Variants in PTPRT observed in about 807,000 individuals in gnomAD.
The protein encoded by PTPRT is protein tyrosine phosphatase receptor type T, also known as receptor-type tyrosine-protein phosphatase T.
PTPRT carries 56 observed loss-of-function variants against 176.8 expected under a neutral mutation model. The ratio of observed to expected loss-of-function variants is 0.32; its 90% CI spans 0.26 to 0.40. The LOEUF (loss-of-function observed/expected upper bound fraction) is 0.40, where lower values mean the gene tolerates loss of function less well. PTPRT is among the 10% of genes least tolerant of loss of function. PTPRT has a pLI of 1.00. For synonymous variants in PTPRT, 783 were observed against 739.0 expected (o/e 1.06, Z -0.96); for missense variants, 1,540 against 1,908.2 (o/e 0.81, Z 3.60).
intron 7 of PTPRT, among the ~76,000 whole-genome samples, chr20:42,558,302 C>T (rs552996398): frequency 6.6e-6 from 1 of 152,150 alleles, no homozygotes; most frequent in South Asian, 2.1e-4. Context: ...CATCCACGTC[C>T]CTGAAAAAGA....
In PTPRT at chr20:42,229,475, A is replaced by AT. The variant is rs146528614; in HGVS notation, c.2342+6753dup. Among the ~76,000 whole-genome samples the AT allele has an allele frequency of 3.4e-3, 521 of 152,332 alleles. 4 individuals carry two copies. Among genetic ancestry groups the AT allele is most frequent in the African/African-American group, 0.012 (499 of 41,566 alleles). Reference sequence around the variant, plus strand: ...CATTTTTATTCAAAGTGGCTGATAAATTACATTAAATAACTTTTGAGTATC... The same window carrying AT: ...CATTTTTATTCAAAGTGGCTGATAAATTTACATTAAATAACTTTTGAGTATC... On this transcript the variant is annotated intron_variant, in intron 15 of 30. Coordinates refer to ENST00000373187, the MANE Select transcript of PTPRT (RefSeq NM_007050.6).
chr20:42,204,190 T>G (rs2055393190), intron 15 of PTPRT, among the ~76,000 whole-genome samples: 1 of 152,184 alleles, frequency 6.6e-6, no homozygotes, highest in Admixed American at 6.5e-5. Flanking sequence ...GGGCGGTAAC[T>G]TAGCATTTCC....
chr20:42,619,803 A>C (rs1467460414), intron 7 of PTPRT, among the ~76,000 whole-genome samples: 3 of 128,348 alleles, frequency 2.3e-5, no homozygotes, highest in East Asian at 4.1e-4. Flanking sequence ...AGCTCCTTTA[A>C]GCACTTCTCT....
intron 2 of PTPRT, among the ~76,000 whole-genome samples, chr20:42,860,504 G>A (rs1176424679): frequency 6.6e-6 from 1 of 152,064 alleles, no homozygotes; most frequent in Non-Finnish European, 1.5e-5. Flanking sequence ...AAAATACCAA[G>A]CCTTCCCATC....
At chr20:42,716,157 T>C (rs1003075506) in intron 6 of PTPRT, among the ~76,000 whole-genome samples, 8 of 152,126 alleles carry the variant, frequency 5.3e-5, no homozygotes, top group African/African-American at 1.9e-4. Flanking sequence ...ACAGCTTGAA[T>C]AGAGATGCTC....
intron 6 of PTPRT, among the ~76,000 whole-genome samples, chr20:42,717,131 A>T (rs928571462): frequency 5.9e-5 from 9 of 151,968 alleles, no homozygotes; most frequent in African/African-American, 2.2e-4. Flanking sequence ...GCACATGTAT[A>T]CATATGTAAC....
Position 43,012,899 on chromosome 20 carries a change from C to G in PTPRT, c.89-126967G>C, listed in dbSNP as rs77556411. Among the ~76,000 whole-genome samples the G allele has an allele frequency of 2.2e-4, 33 of 152,144 alleles. No individual in the cohort carries two copies. The East Asian group carries it at 6.3e-3, about 29-fold the overall frequency. ...CATCTCATGCCCCAGGGCTCACCCA[C>G]AGGCTTGGTTAACTTTCTTGCCCTC... is the stretch of plus-strand genomic sequence containing the variant. On this transcript the variant is annotated intron_variant, in intron 1 of 30. Transcript: ENST00000373187.
chr20:42,754,983 T>A (rs1406249804), intron 6 of PTPRT, among the ~76,000 whole-genome samples: 2 of 151,930 alleles, frequency 1.3e-5, no homozygotes, highest in African/African-American at 4.8e-5. Flanking sequence ...AGAGCTTAGA[T>A]CCTAAAAGGG....
rs148510974 is a variant in PTPRT at position 42,736,368 on chromosome 20, C to T, written c.859+20094G>A. 4.7e-3 allele frequency among the ~76,000 whole-genome samples: 715 copies of T among 152,306 alleles called. 6 individuals are homozygous for T. The highest frequency in any genetic ancestry group is 0.016 in the African/African-American group (673 of 41,572). On this transcript the variant is annotated intron_variant, in intron 6 of 30. Transcript: ENST00000373187. ...TGAAAAGGTCTGAAGGAAAAGATAT[C>T]GTGAAGGGCTTTGTCCACCTTTGCA...
At chr20:42,687,835 T>C (rs2075724355) in intron 6 of PTPRT, 1 of 152,206 alleles carries the variant, frequency 6.6e-6, no homozygotes, top group Non-Finnish European at 1.5e-5. Context: ...GTGAGAGCTG[T>C]TATTATTACT....
intron 2 of PTPRT, among the ~76,000 whole-genome samples, chr20:42,853,017 G>C (rs1448824333): frequency 1.3e-5 from 2 of 152,232 alleles, no homozygotes; most frequent in African/African-American, 4.8e-5. Context: ...GATGCTGAGA[G>C]TCAGAAGCTA....
rs147135356 is a variant in PTPRT at position 43,181,363 on chromosome 20, G to C, written c.88+8283C>G. On this transcript the variant is annotated intron_variant, in intron 1 of 30. Coordinates refer to ENST00000373187, the MANE Select transcript of PTPRT (RefSeq NM_007050.6). Reference sequence around the variant, plus strand: ...ACAGACAATTAATATAGCTCCTTTAGAACAGGAGTTGGGCCTACTTTTCCT... The same window carrying C: ...ACAGACAATTAATATAGCTCCTTTACAACAGGAGTTGGGCCTACTTTTCCT... Among the ~76,000 whole-genome samples the C allele has an allele frequency of 2.6e-5, 4 of 151,756 alleles. No individual in the cohort carries two copies. In the East Asian group the frequency reaches 7.7e-4, roughly 29 times the overall value.
chr20:42,128,082 C>T (rs1987945086), intron 19 of PTPRT, among the ~76,000 whole-genome samples: 1 of 152,208 alleles, frequency 6.6e-6, no homozygotes, highest in African/African-American at 2.4e-5. Context: ...ATTCTCTGCT[C>T]CCCTCAAATG....
intron 18 of PTPRT, among the ~76,000 whole-genome samples, chr20:42,129,881 T>C (rs1988045200): frequency 6.6e-6 from 1 of 152,232 alleles, no homozygotes; most frequent in Admixed American, 6.5e-5. Context: ...TTCCATCCCC[T>C]GCACCTTTAA....
intron 13 of PTPRT, among the ~76,000 whole-genome samples, chr20:42,281,203 G>T (rs1484879921): frequency 6.6e-6 from 1 of 152,098 alleles, no homozygotes; most frequent in Non-Finnish European, 1.5e-5. Flanking sequence ...CAATATCTGT[G>T]ATTTGTGTCA....
intron 7 of PTPRT, among the ~76,000 whole-genome samples, chr20:42,508,198 CAA>C (rs11480753): frequency 1.5e-5 from 2 of 136,450 alleles, no homozygotes; most frequent in African/African-American, 2.7e-5. Flanking sequence ...TTTAGATATG[CAA>C]AAAAAAAAAG....
chr20:43,013,710 T>A (rs1203854562), intron 1 of PTPRT, among the ~76,000 whole-genome samples: 1 of 152,184 alleles, frequency 6.6e-6, no homozygotes, highest in East Asian at 1.9e-4. Flanking sequence ...GTTCACTCAT[T>A]AATTCACTCA....
At chr20:42,817,879 C>A (rs2077817413) in intron 2 of PTPRT, among the ~76,000 whole-genome samples, 1 of 152,192 alleles carries the variant, frequency 6.6e-6, no homozygotes, top group African/African-American at 2.4e-5. Context: ...TCCCCCTGGA[C>A]CTGAGCCCCG....
intron 13 of PTPRT, among the ~76,000 whole-genome samples, chr20:42,263,066 G>A (rs549745695): frequency 2.6e-5 from 4 of 152,228 alleles, no homozygotes; most frequent in South Asian, 2.1e-4. Context: ...CAGTTTGAAC[G>A]GGTTACAGGA....
Sources: gnomAD v4.1 joint callset for allele counts (sites outside exome capture counted in the v4.1 genomes callset) on GRCh38, gnomAD v4.1.1 for gene constraint, MANE v1.5 for transcripts, NCBI Gene and HGNC (gene_info 2026-07-23, HGNC 2026-07-21) for gene names.